Variants in RAPGEF5 observed in about 807,000 individuals in gnomAD.
RAPGEF5 encodes the protein Rap guanine nucleotide exchange factor 5.
RAPGEF5 carries 65 observed loss-of-function variants against 125.2 expected under a neutral mutation model. That is an observed-to-expected ratio of 0.52 (90% CI 0.43 to 0.64). The LOEUF (loss-of-function observed/expected upper bound fraction) is 0.64. RAPGEF5 is among the 30% of genes least tolerant of loss of function. The pLI, the probability that RAPGEF5 is intolerant of heterozygous loss-of-function variation, is 0.00. For missense variants in RAPGEF5, 958 were observed against 1,048.1 expected (o/e 0.91, Z 1.19); for synonymous variants, 391 against 385.9 (o/e 1.01, Z -0.16).
At chr7:22,352,248 G>T (rs572326848) in intron 1 of RAPGEF5, among the ~76,000 whole-genome samples, 1 of 152,166 alleles carries the variant, frequency 6.6e-6, no homozygotes, top group Non-Finnish European at 1.5e-5. Context: ...GGGAATAGCT[G>T]TTATCAGTTC....
intron 5 of RAPGEF5, among the ~76,000 whole-genome samples, chr7:22,293,971 T>C (rs972201446): frequency 6.6e-6 from 1 of 152,236 alleles, no homozygotes; most frequent in African/African-American, 2.4e-5. Flanking sequence ...TTAATGTGTG[T>C]AAATACTTTT....
chr7:22,142,946 T>C (rs1023763680), intron 20 of RAPGEF5, among the ~76,000 whole-genome samples: 2 of 152,200 alleles, frequency 1.3e-5, no homozygotes, highest in Non-Finnish European at 2.9e-5. Flanking sequence ...TTCCATGGGT[T>C]AGGGATAGAG....
At chr7:22,242,271 C>A (rs1185011579) in intron 7 of RAPGEF5, among the ~76,000 whole-genome samples, 5 of 152,200 alleles carry the variant, frequency 3.3e-5, no homozygotes, top group East Asian at 1.9e-4. Context: ...AGAGTCACAG[C>A]AAGTCAGCAG....
At chr7:22,131,200 A>G (rs976989453) in intron 23 of RAPGEF5, 99 bp from the exon 24 acceptor site, 4 of 1,372,462 alleles carry the variant, frequency 2.9e-6, no homozygotes, top group Non-Finnish European at 3.8e-6. Context: ...CATTTTTCCT[A>G]AACATTATGG....
At chr7:22,308,083 T>C (rs1783383193) in intron 5 of RAPGEF5, among the ~76,000 whole-genome samples, 1 of 152,214 alleles carries the variant, frequency 6.6e-6, no homozygotes, top group African/African-American at 2.4e-5. Context: ...CATCTACTCC[T>C]ATAACAATGA....
chr7:22,145,028 C>T lies in RAPGEF5; in HGVS notation c.2186+16G>A, dbSNP rs372227358. The T allele has an allele frequency of 1.9e-6, 3 of 1,609,252 alleles. No individual in the cohort carries two copies. The African/African-American group carries it at 4.0e-5, about 21-fold the overall frequency. On this transcript the variant is annotated intron_variant, in intron 20 of 25. Coordinates refer to ENST00000665637, the MANE Select transcript of RAPGEF5 (RefSeq NM_012294.5). Reference sequence around the variant, plus strand: ...AGAAGACTAGAGGAATGGCACTTCTCACACTAGAAACTTACTGAGCCGCAA... The same window carrying T: ...AGAAGACTAGAGGAATGGCACTTCTTACACTAGAAACTTACTGAGCCGCAA...
At chr7:22,304,005 T>C (rs1326758403) in intron 5 of RAPGEF5, among the ~76,000 whole-genome samples, 3 of 152,182 alleles carry the variant, frequency 2.0e-5, no homozygotes, top group East Asian at 1.9e-4. Context: ...ATCATGCATG[T>C]GCAACCATAG....
chr7:22,153,223 G>C (rs1242878576), intron 17 of RAPGEF5, among the ~76,000 whole-genome samples: 1 of 152,090 alleles, frequency 6.6e-6, no homozygotes, highest in Non-Finnish European at 1.5e-5. Context: ...TTGAGAGGTG[G>C]ATGCTTAAGC....
intron 9 of RAPGEF5, among the ~76,000 whole-genome samples, chr7:22,208,409 CTCTT>C: frequency 6.6e-6 from 1 of 152,316 alleles, no homozygotes; most frequent in Non-Finnish European, 1.5e-5. Context: ...ACTAGTATAA[CTCTT>C]TCTAATCATC....
rs373492564 is a variant in RAPGEF5 at position 22,195,116 on chromosome 7, C to T, written c.997-1083G>A. Among the ~76,000 whole-genome samples, 62 of 152,290 alleles carry T rather than the reference C, an allele frequency of 4.1e-4. 2 individuals carry two copies. In the South Asian group the frequency reaches 0.011, roughly 27 times the overall value. ...CACTATGTGCTTAGGGCTCCTAGCA[C>T]GTTTCCCCTACTTACAGAAAATCCT... On this transcript the variant is annotated intron_variant, in intron 9 of 25. Transcript: ENST00000665637.
At position 22,304,979 on chromosome 7, in the gene RAPGEF5, A is replaced by T. The variant is rs1783301911; in HGVS notation, c.680+3360T>A. ...ATCCATAATCATTTCACCAGAGCTTAGTCTAACACTTTTATAGCTTCTGTT... is the reference window on the plus strand; with the variant it reads ...ATCCATAATCATTTCACCAGAGCTTTGTCTAACACTTTTATAGCTTCTGTT... On this transcript the variant is annotated intron_variant, in intron 5 of 25. Transcript: ENST00000665637. 4.6e-5 allele frequency among the ~76,000 whole-genome samples: 7 copies of T among 152,104 alleles called. No homozygotes were observed. The South Asian group carries it at 1.2e-3, about 27-fold the overall frequency.
chr7:22,197,379 C>T (rs947762303), intron 9 of RAPGEF5, among the ~76,000 whole-genome samples: 28 of 152,204 alleles, frequency 1.8e-4, no homozygotes, highest in African/African-American at 6.5e-4. Context: ...GACACTACGA[C>T]ACTCAAGAAG....
chr7:22,154,376 T>G (rs1019369538), intron 17 of RAPGEF5, 79 bp downstream of exon 17: 1 of 1,513,248 alleles, frequency 6.6e-7, no homozygotes, highest in African/African-American at 1.4e-5. Flanking sequence ...GCTGCACTTT[T>G]ACTCTACAAA....
rs768758592 is a variant in RAPGEF5 at position 22,162,494 on chromosome 7, G to A, written c.1331C>T (p.Pro444Leu). 1.2e-5 allele frequency: 19 copies of A among 1,608,674 alleles called. No individual in the cohort carries two copies. The highest frequency in any genetic ancestry group is 4.0e-5 in the African/African-American group (3 of 74,746). Residue 444 changes from proline (P) to leucine (L), a missense_variant, in exon 13 of 26, where the codon CCG (proline) becomes CTG (leucine). Pro to Leu is a moderately conservative substitution (Grantham distance 98). Coordinates refer to ENST00000665637, the MANE Select transcript of RAPGEF5 (RefSeq NM_012294.5). ...YQGKEENSDV[P>L]RRKRKVLHLV... Reference sequence around the variant, plus strand: ...ATGCAAGACTTTACGTTTCCTACGCGGAACGTCTGAGTTTTCCTCTTTGCC... The same window carrying A: ...ATGCAAGACTTTACGTTTCCTACGCAGAACGTCTGAGTTTTCCTCTTTGCC...
At chr7:22,242,915 C>G (rs924518893) in intron 7 of RAPGEF5, among the ~76,000 whole-genome samples, 2 of 147,000 alleles carry the variant, frequency 1.4e-5, no homozygotes, top group Admixed American at 1.4e-4. Flanking sequence ...CCATTGCACT[C>G]CAACCTAGGC....
chr7:22,167,874 G>A (rs1199206378), intron 11 of RAPGEF5, among the ~76,000 whole-genome samples: 1 of 152,108 alleles, frequency 6.6e-6, no homozygotes, highest in Admixed American at 6.6e-5. Flanking sequence ...ATACAATATG[G>A]AATTGCTAAA....
intron 1 of RAPGEF5, among the ~76,000 whole-genome samples, chr7:22,341,700 G>A (rs1292307538): frequency 6.6e-6 from 1 of 152,210 alleles, no homozygotes; most frequent in African/African-American, 2.4e-5. Flanking sequence ...AAATCCAGCA[G>A]GGCTGTCAAA....
At chr7:22,153,848 G>A (rs1783711654) in intron 17 of RAPGEF5, among the ~76,000 whole-genome samples, 3 of 152,280 alleles carry the variant, frequency 2.0e-5, no homozygotes, top group Admixed American at 2.0e-4. Flanking sequence ...AAACGAAGAG[G>A]TCTGTTCAAG....
At chr7:22,134,973 T>C (rs1783035308) in intron 23 of RAPGEF5, among the ~76,000 whole-genome samples, 1 of 152,234 alleles carries the variant, frequency 6.6e-6, no homozygotes, top group African/African-American at 2.4e-5. Flanking sequence ...TCATATTTGA[T>C]GAAGGAAGAC....
Sources: gnomAD v4.1 joint callset for allele counts (sites outside exome capture counted in the v4.1 genomes callset) on GRCh38, gnomAD v4.1.1 for gene constraint, MANE v1.5 for transcripts, NCBI Gene and HGNC (gene_info 2026-07-23, HGNC 2026-07-21) for gene names.